The following COLQ variants were observed in gnomAD, a reference collection of about 807,000 sequenced individuals.
The protein encoded by COLQ is collagen like tail subunit of asymmetric acetylcholinesterase, also known as acetylcholinesterase collagenic tail peptide.
COLQ carries 48 observed loss-of-function variants against 69.0 expected under a neutral mutation model. That is an observed-to-expected ratio of 0.70 (90% CI 0.55 to 0.88). COLQ has a LOEUF of 0.88. Among genes scored for constraint, COLQ ranks in the 40% least tolerant of loss-of-function variants. The pLI, the probability that COLQ is intolerant of heterozygous loss-of-function variation, is 0.00. For synonymous variants in COLQ, 217 were observed against 211.2 expected (o/e 1.03, Z -0.24); for missense variants, 618 against 594.6 (o/e 1.04, Z -0.41).
In COLQ at chr3:15,509,172, C is replaced by CT. The variant is rs201542343; in HGVS notation, c.106+12347dup. 3.8e-3 allele frequency among the ~76,000 whole-genome samples: 580 copies of CT among 152,308 alleles called. 4 individuals are homozygous for CT. The highest frequency in any genetic ancestry group is 0.013 in the African/African-American group (545 of 41,572). The stretch of plus-strand genomic sequence containing the variant: ...TCAGCCACTATTTGCTGGCATTCCA[C>CT]TTGAAAATCTCATATTTAATCATTT... On this transcript the variant is annotated intron_variant, in intron 1 of 16. Transcript: ENST00000383788.
intron 8 of COLQ, 79 bp from the exon 9 acceptor site, chr3:15,474,351 C>G: frequency 6.9e-7 from 1 of 1,450,760 alleles, no homozygotes; most frequent in Non-Finnish European, 9.7e-7. Context: ...TGAAAAGCTC[C>G]CTAAACCAAA....
chr3:15,451,371 T>C lies in COLQ; in HGVS notation c.*273A>G. 2 of 610,430 alleles carry C rather than the reference T, an allele frequency of 3.3e-6. No individual in the cohort carries two copies. The highest frequency in any genetic ancestry group is 1.8e-5 in the African/African-American group (1 of 54,570). 37.8% of individuals were successfully genotyped at this position (610,430 alleles called of 1,614,324 possible). ...ACATTCCAGAAGAGGAAGAGCATTG[T>C]AGCCGGTTGTTTGGCCAAATGGTAG... On this transcript the variant is annotated 3_prime_UTR_variant, in exon 17 of 17. Transcript: ENST00000383788.
In COLQ at chr3:15,488,216, G is replaced by A; in HGVS notation, c.311C>T (p.Pro104Leu). 6.2e-7 allele frequency: 1 copy of A among 1,611,664 alleles called. No individual in the cohort carries two copies. The highest frequency in any genetic ancestry group is 8.5e-7 in the Non-Finnish European group (1 of 1,179,264). ...MQGSLGSPGP[P>L]GPQGPPGLPG... ...GTAGAGTGCACCAACCTGGGGGCCG[G>A]GAGGCCCAGGGGAGCCTAGCGAGCC... The change falls in exon 3 of 17, where the codon CCC becomes CTC. Residue 104 changes from proline to leucine, a missense_variant. Coordinates refer to ENST00000383788, the MANE Select transcript of COLQ (RefSeq NM_005677.4).
At chr3:15,506,085 G>A (rs1559531416) in intron 1 of COLQ, among the ~76,000 whole-genome samples, 1 of 152,136 alleles carries the variant, frequency 6.6e-6, no homozygotes, top group Non-Finnish European at 1.5e-5. Context: ...TAAAACCCTT[G>A]GATTCCAGAA....
intron 1 of COLQ, among the ~76,000 whole-genome samples, chr3:15,518,701 C>T (rs781742835): frequency 1.3e-5 from 2 of 152,142 alleles, no homozygotes; most frequent in Non-Finnish European, 2.9e-5. Flanking sequence ...GGCTTACAGG[C>T]CCATGAGAGC....
intron 12 of COLQ, among the ~76,000 whole-genome samples, chr3:15,465,247 T>TATTA (rs2062180667): frequency 6.8e-6 from 1 of 147,592 alleles, no homozygotes; most frequent in African/African-American, 2.5e-5. Context: ...TTTATTTATT[T>TATTA]ATTTATTTAT....
At chr3:15,480,158 G>T (rs2100544) in intron 3 of COLQ, among the ~76,000 whole-genome samples, 1 of 152,010 alleles carries the variant, frequency 6.6e-6, no homozygotes, top group Non-Finnish European at 1.5e-5. Flanking sequence ...AACATGCATA[G>T]TGCAAAGCCT....
intron 1 of COLQ, among the ~76,000 whole-genome samples, chr3:15,509,611 A>G (rs565311689): frequency 1.3e-5 from 2 of 152,380 alleles, no homozygotes; most frequent in Non-Finnish European, 2.9e-5. Flanking sequence ...AAAGTACAAC[A>G]GTAATTCCTG....
At chr3:15,498,475 ACACACACACACGTG>A in intron 1 of COLQ, 1 of 1,540,882 alleles carries the variant, frequency 6.5e-7, no homozygotes, top group Non-Finnish European at 8.8e-7. Context: ...GCATCCACAC[ACACACACACACGTG>A]CACACACGCA....
chr3:15,497,964 A>G (rs980250842), intron 1 of COLQ, among the ~76,000 whole-genome samples: 1 of 152,250 alleles, frequency 6.6e-6, no homozygotes, highest in African/African-American at 2.4e-5. Flanking sequence ...CTGAAAGAAC[A>G]TGGTAGAGTT....
chr3:15,504,654 T>C (rs1261037386), intron 1 of COLQ, among the ~76,000 whole-genome samples: 1 of 151,742 alleles, frequency 6.6e-6, no homozygotes, highest in South Asian at 2.1e-4. Flanking sequence ...AGGTGAGGAG[T>C]TGGAGACCAG....
At chr3:15,472,095 C>A (rs1483560579) in intron 10 of COLQ, among the ~76,000 whole-genome samples, 2 of 151,938 alleles carry the variant, frequency 1.3e-5, no homozygotes, top group Non-Finnish European at 2.9e-5. Flanking sequence ...CATATCAGCT[C>A]TGTCTTAAAA....
rs182071605 is a variant in COLQ at position 15,492,310 on chromosome 3, A to G, written c.107-2673T>C. 1.2e-3 allele frequency among the ~76,000 whole-genome samples: 177 copies of G among 152,346 alleles called. 1 individual carries two copies. Among genetic ancestry groups the G allele is most frequent in the African/African-American group, 3.4e-3 (141 of 41,580 alleles). On this transcript the variant is annotated intron_variant, in intron 1 of 16. Transcript: ENST00000383788. ...GGTAAAATTCCCGACTAGATAAAGC[A>G]CAACCATTACTCCATAATTGTAGTC...
intron 6 of COLQ, 69 bp from the exon 7 acceptor site, chr3:15,475,556 G>T: frequency 7.0e-7 from 1 of 1,438,156 alleles, no homozygotes; most frequent in Non-Finnish European, 9.6e-7. Context: ...GGAAGTCACA[G>T]GCAAGATTGG....
intron 15 of COLQ, among the ~76,000 whole-genome samples, chr3:15,454,500 C>T (rs2061997384): frequency 6.6e-6 from 1 of 152,100 alleles, no homozygotes; most frequent in Admixed American, 6.5e-5. Flanking sequence ...TCCTATTTGA[C>T]ACTGTGCACC....
At position 15,495,276 on chromosome 3, in the gene COLQ, G is replaced by A. The variant is rs558270427; in HGVS notation, c.107-5639C>T. On this transcript the variant is annotated intron_variant, in intron 1 of 16. Transcript: ENST00000383788. ...AAGGAACCGTGGGGCATCTCAGTTA[G>A]AGGATGCTGGGAAGGACTGATCCTA... Among the ~76,000 whole-genome samples, 12 of 152,340 alleles carry A rather than the reference G, an allele frequency of 7.9e-5. No individual in the cohort carries two copies. The East Asian group carries it at 2.3e-3, about 29-fold the overall frequency.
In COLQ at chr3:15,488,220, G is replaced by A; in HGVS notation, c.307C>T (p.Pro103Ser). The A allele has an allele frequency of 6.2e-7, 1 of 1,612,534 alleles. No individual in the cohort carries two copies. Among genetic ancestry groups the A allele is most frequent in the Non-Finnish European group, 8.5e-7 (1 of 1,179,914 alleles). The change falls in exon 3 of 17, where the codon CCT becomes TCT. Residue 103 changes from proline (P) to serine (S), a missense_variant. Transcript: ENST00000383788. ...AGTGCACCAACCTGGGGGCCGGGAG[G>A]CCCAGGGGAGCCTAGCGAGCCTTGC... ...CMQGSLGSPG[P>S]PGPQGPPGLP... is the part of the protein sequence containing the mutation.
chr3:15,465,931 T>G (rs566939789), intron 12 of COLQ, among the ~76,000 whole-genome samples: 56 of 152,246 alleles, frequency 3.7e-4, no homozygotes, highest in African/African-American at 1.2e-3. Context: ...TGCAAACAAA[T>G]AAGGACTCTT....
At chr3:15,491,610 A>T (rs978090195) in intron 1 of COLQ, among the ~76,000 whole-genome samples, 7 of 152,270 alleles carry the variant, frequency 4.6e-5, no homozygotes, top group Non-Finnish European at 8.8e-5. Context: ...AAAGACCCTC[A>T]GCCCTCTCAG....
Sources: allele counts gnomAD v4.1 joint callset (sites outside exome capture counted in the v4.1 genomes callset), GRCh38; gene constraint gnomAD v4.1.1; transcripts MANE v1.5; gene names NCBI Gene and HGNC (gene_info 2026-07-23, HGNC 2026-07-21).